The following WWC1 variants were observed in gnomAD, a reference collection of about 807,000 sequenced individuals.
WWC1 encodes the protein protein KIBRA.
Under a neutral mutation model 138.4 loss-of-function variants are expected in WWC1, and 55 were observed. The observed-to-expected ratio is 0.40, with a 90% confidence interval of 0.32 to 0.50. The LOEUF (loss-of-function observed/expected upper bound fraction) is 0.50, where lower values mean the gene tolerates loss of function less well. WWC1 is among the 20% of genes least tolerant of loss of function. The probability of loss-of-function intolerance (pLI) is 0.72; values close to 1 mark genes in which losing one functional copy is unlikely to be tolerated. For synonymous variants in WWC1, 524 were observed against 564.9 expected, an observed-to-expected ratio of 0.93 and a Z score of 1.03; for missense variants, 1,226 against 1,420.4, an observed-to-expected ratio of 0.86 and a Z score of 2.20.
intron 20 of WWC1, among the ~76,000 whole-genome samples, chr5:168,462,164 G>C (rs1344125496): frequency 6.6e-6 from 1 of 152,168 alleles, no homozygotes; most frequent in Non-Finnish European, 1.5e-5. Context: ...CACCTTTCCT[G>C]CACTGCCTGC....
rs1407676148 is a variant in WWC1 at position 168,414,485 on chromosome 5, G to A, written c.1079G>A (p.Arg360His). Residue 360 changes from arginine to histidine, a missense_variant, in exon 9 of 23, where the codon CGC becomes CAC. Around this residue, in one of 3 missense-constraint regions of WWC1, gnomAD observed 1,016 missense variants for 1,153.9 expected, o/e 0.88. Coordinates refer to ENST00000265293, the MANE Select transcript of WWC1 (RefSeq NM_015238.3). The stretch of plus-strand genomic sequence containing the variant: ...AAGGAGATGCGCTTCATCAGCCCCC[G>A]CAAGTGGACCCAGGGGGAGGTGGAG... ...LLKEMRFISP[R>H]KWTQGEVEQL... The A allele has an allele frequency of 6.4e-6, 10 of 1,562,350 alleles. No homozygotes were observed. Among genetic ancestry groups the A allele is most frequent in the Admixed American group, 1.9e-5 (1 of 52,068 alleles).
intron 3 of WWC1, among the ~76,000 whole-genome samples, chr5:168,395,797 G>A (rs1051761618): frequency 8.5e-5 from 13 of 152,138 alleles, no homozygotes; most frequent in African/African-American, 3.1e-4. Flanking sequence ...CATTATCATT[G>A]TAAATTCAGC....
intron 1 of WWC1, among the ~76,000 whole-genome samples, chr5:168,369,398 T>TTGG (rs1388983177): frequency 1.3e-5 from 2 of 151,722 alleles, no homozygotes; most frequent in Admixed American, 6.6e-5. Flanking sequence ...GTTGTTGTTG[T>TTGG]TGGTGGTGGT....
intron 10 of WWC1, among the ~76,000 whole-genome samples, chr5:168,423,005 G>T (rs1056257395): frequency 6.6e-6 from 1 of 151,810 alleles, no homozygotes. Flanking sequence ...AATTAACCGG[G>T]CGTGGTGGCA....
intron 1 of WWC1, among the ~76,000 whole-genome samples, chr5:168,307,269 C>A (rs1041127156): frequency 5.3e-5 from 8 of 152,244 alleles, no homozygotes; most frequent in Admixed American, 5.2e-4. Context: ...ACCAGTCTGT[C>A]TGCCCCCACA....
rs1447057872 is a variant in WWC1 at position 168,455,440 on chromosome 5, C to G, written c.2743C>G (p.Gln915Glu). ...PKDRRVGTPS[Q>E]GPFLRGSTII... ...GGACCGGAGAGTGGGCACCCCGTCC[C>G]AGGGGCCATTTCTTCGAGGGAGCAC... Residue 915 changes from glutamine (Q) to glutamate (E), a missense_variant, in exon 19 of 23, where the codon CAG becomes GAG. Around this residue, in one of 3 missense-constraint regions of WWC1, gnomAD observed 1,016 missense variants for 1,153.9 expected, o/e 0.88. Transcript: ENST00000265293. The G allele has an allele frequency of 1.2e-6, 2 of 1,612,538 alleles. No homozygotes were observed. Among genetic ancestry groups the G allele is most frequent in the Admixed American group, 1.7e-5 (1 of 59,828 alleles).
chr5:168,350,995 A>C lies in WWC1; in HGVS notation c.120-20429A>C, dbSNP rs551846436. Reference sequence around the variant, plus strand: ...ACCCTGTCTCTACTAAAAACACAAAAAATTAGCCGGGCGTGGTGGTGCATG... The same window carrying C: ...ACCCTGTCTCTACTAAAAACACAAACAATTAGCCGGGCGTGGTGGTGCATG... On this transcript the variant is annotated intron_variant, in intron 1 of 22. Transcript: ENST00000265293. Among the ~76,000 whole-genome samples the C allele has an allele frequency of 4.6e-5, 7 of 152,168 alleles. No homozygotes were observed. In the East Asian group the frequency reaches 1.4e-3, roughly 29 times the overall value.
At chr5:168,335,347 A>G (rs1219403951) in intron 1 of WWC1, among the ~76,000 whole-genome samples, 1 of 152,240 alleles carries the variant, frequency 6.6e-6, no homozygotes, top group Non-Finnish European at 1.5e-5. Context: ...TAGGCCAGCC[A>G]TGGCGGCTCA....
intron 6 of WWC1, among the ~76,000 whole-genome samples, chr5:168,407,868 CT>C (rs11384431): frequency 1.5e-4 from 22 of 147,200 alleles, no homozygotes; most frequent in Non-Finnish European, 1.5e-4. Flanking sequence ...TTCTTCCCCC[CT>C]TTTTTTTTTA....
In WWC1 at chr5:168,453,963, C is replaced by T; in HGVS notation, c.2526-5C>T. The T allele has an allele frequency of 1.2e-6, 2 of 1,611,924 alleles. No individual in the cohort carries two copies. The highest frequency in any genetic ancestry group is 1.7e-6 in the Non-Finnish European group (2 of 1,179,756). Reference sequence around the variant, plus strand: ...GTGGGTAACCAAAGTGCTTTGTCATCACAGGAGGTATGAGGAGACCAGTGA... The same window carrying T: ...GTGGGTAACCAAAGTGCTTTGTCATTACAGGAGGTATGAGGAGACCAGTGA... On this transcript the variant is annotated splice_polypyrimidine_tract_variant and splice_region_variant and intron_variant, in intron 17 of 22. Coordinates refer to ENST00000265293, the MANE Select transcript of WWC1 (RefSeq NM_015238.3).
At chr5:168,323,317 T>C (rs1473889543) in intron 1 of WWC1, among the ~76,000 whole-genome samples, 1 of 152,118 alleles carries the variant, frequency 6.6e-6, no homozygotes, top group Non-Finnish European at 1.5e-5. Flanking sequence ...AGACTGAGGT[T>C]GGAGGATCCC....
Position 168,341,721 on chromosome 5 carries a change from T to C in WWC1, c.120-29703T>C, listed in dbSNP as rs547667113. ...CTGATTTAAAAAAAAAAAAAAGATTTTGGAAAAAGTAAGGCCTGGGTCACC... is the reference window on the plus strand; with the variant it reads ...CTGATTTAAAAAAAAAAAAAAGATTCTGGAAAAAGTAAGGCCTGGGTCACC... On this transcript the variant is annotated intron_variant, in intron 1 of 22. Coordinates refer to ENST00000265293, the MANE Select transcript of WWC1 (RefSeq NM_015238.3). Among the ~76,000 whole-genome samples the C allele has an allele frequency of 3.9e-5, 6 of 151,990 alleles. No homozygotes were observed. In the East Asian group the frequency reaches 7.7e-4, roughly 20 times the overall value.
chr5:168,304,946 T>C (rs4577710), intron 1 of WWC1, among the ~76,000 whole-genome samples: 102,371 of 151,630 alleles, frequency 0.68, 34,691 homozygotes, highest in Middle Eastern at 0.76. Context: ...CTGCCTCGGC[T>C]TCCCGAGTAG....
In WWC1 at chr5:168,292,106, G is replaced by T. The variant is rs763786552; in HGVS notation, c.-47G>T. The T allele has an allele frequency of 6.7e-7, 1 of 1,486,358 alleles. No homozygotes were observed. Among genetic ancestry groups the T allele is most frequent in the Non-Finnish European group, 8.9e-7 (1 of 1,119,568 alleles). 92.1% of individuals were successfully genotyped at this position (1,486,358 alleles called of 1,614,324 possible). A position where few individuals can be genotyped will look rare whatever the true frequency, so the allele number is the denominator to read the frequency against. On this transcript the variant is annotated 5_prime_UTR_variant, in exon 1 of 23. Coordinates refer to ENST00000265293, the MANE Select transcript of WWC1 (RefSeq NM_015238.3). This position sits in a 1 kb window ranked among gnomAD's most constrained non-coding sequence, Gnocchi z 4.4. ...GGCCGGCTGGAGCCGCTGAGCCCCC[G>T]CTGCGGCCGGGAGCTGCATGGGGGA...
chr5:168,409,205 A>G (rs889670429), intron 7 of WWC1, among the ~76,000 whole-genome samples: 5 of 151,988 alleles, frequency 3.3e-5, no homozygotes, highest in Admixed American at 1.3e-4. Flanking sequence ...ACTTTTGGAG[A>G]GCTTTTGTTT....
At chr5:168,440,088 A>T (rs1397559461) in intron 15 of WWC1, among the ~76,000 whole-genome samples, 4 of 152,230 alleles carry the variant, frequency 2.6e-5, no homozygotes, top group Non-Finnish European at 5.9e-5. Context: ...TAATATAAGT[A>T]ACACAGAATG....
At chr5:168,317,545 C>T (rs1345570433) in intron 1 of WWC1, among the ~76,000 whole-genome samples, 2 of 152,084 alleles carry the variant, frequency 1.3e-5, no homozygotes, top group Non-Finnish European at 2.9e-5. Context: ...CTTGTCAGTT[C>T]CCAGGCACTG....
intron 1 of WWC1, among the ~76,000 whole-genome samples, chr5:168,343,366 C>T (rs1486764399): frequency 1.3e-5 from 2 of 152,016 alleles, no homozygotes; most frequent in African/African-American, 2.4e-5. Flanking sequence ...AAAGTGATGA[C>T]CCCATTTAAT....
chr5:168,414,513 G>T lies in WWC1; in HGVS notation c.1107G>T (p.Gln369His). The T allele has an allele frequency of 6.4e-7, 1 of 1,557,406 alleles. No homozygotes were observed. Among genetic ancestry groups the T allele is most frequent in the Non-Finnish European group, 8.7e-7 (1 of 1,150,020 alleles). ...PRKWTQGEVE[Q>H]LEMARKRLEK... Reference sequence around the variant, plus strand: ...AGTGGACCCAGGGGGAGGTGGAGCAGCTGGAGATGGCCCGGAAGCGGCTGG... The same window carrying T: ...AGTGGACCCAGGGGGAGGTGGAGCATCTGGAGATGGCCCGGAAGCGGCTGG... The change falls in exon 9 of 23, where the codon CAG becomes CAT. Residue 369 changes from glutamine to histidine, a missense_variant. Around this residue, in one of 3 missense-constraint regions of WWC1, gnomAD observed 1,016 missense variants for 1,153.9 expected, o/e 0.88. Transcript: ENST00000265293.
Sources: gnomAD v4.1 joint callset for allele counts (sites outside exome capture counted in the v4.1 genomes callset) on GRCh38, gnomAD v4.1.1 for gene constraint, gnomAD v4.1.1 regional missense constraint, Gnocchi (gnomAD v3.1) non-coding constraint, MANE v1.5 for transcripts, NCBI Gene and HGNC (gene_info 2026-07-23, HGNC 2026-07-21) for gene names.